Variants in ATXN7 observed in about 807,000 individuals in gnomAD.
ATXN7 encodes the protein ataxin-7.
Under a neutral mutation model 70.5 loss-of-function variants are expected in ATXN7, and 12 were observed. That is an observed-to-expected ratio of 0.17 (90% CI 0.11 to 0.28). ATXN7 has a LOEUF of 0.28. Among genes scored for constraint, ATXN7 ranks in the 10% least tolerant of loss-of-function variants. The probability of loss-of-function intolerance (pLI) is 1.00; values close to 1 mark genes in which losing one functional copy is unlikely to be tolerated. For synonymous variants in ATXN7, 498 were observed against 448.7 expected (o/e 1.11, Z -1.39); for missense variants, 1,256 against 1,131.7 (o/e 1.11, Z -1.58).
chr3:63,988,567 G>A, intron 9 of ATXN7: 1 of 494,936 alleles, frequency 2.0e-6, no homozygotes, highest in South Asian at 2.4e-5. Context: ...CTCTATACTT[G>A]CTGAACATCA....
At chr3:63,954,413 C>A (rs1431316467) in intron 5 of ATXN7, among the ~76,000 whole-genome samples, 1 of 152,194 alleles carries the variant, frequency 6.6e-6, no homozygotes, top group African/African-American at 2.4e-5. Context: ...GATGTACCCA[C>A]CTGTGGATGA....
chr3:63,883,039 G>A (rs1702964507), intron 1 of ATXN7, among the ~76,000 whole-genome samples: 1 of 152,164 alleles, frequency 6.6e-6, no homozygotes, highest in Admixed American at 6.5e-5. Flanking sequence ...GACAGCTATA[G>A]ACATGGACAC....
intron 4 of ATXN7, among the ~76,000 whole-genome samples, chr3:63,940,985 G>A (rs7615475): frequency 0.35 from 53,309 of 151,940 alleles, 9,774 homozygotes; most frequent in East Asian, 0.54. Context: ...CAAACCTGTC[G>A]TGTGTACTGC....
At chr3:63,890,946 G>C (rs1280834017) in intron 1 of ATXN7, among the ~76,000 whole-genome samples, 1 of 152,090 alleles carries the variant, frequency 6.6e-6, no homozygotes, top group Non-Finnish European at 1.5e-5. Flanking sequence ...AGAGAGGTTT[G>C]TATGGGCCTA....
intron 1 of ATXN7, among the ~76,000 whole-genome samples, chr3:63,874,548 A>C (rs1230844114): frequency 2.6e-5 from 4 of 152,222 alleles, no homozygotes; most frequent in Non-Finnish European, 4.4e-5. Context: ...AAGTCAGGGA[A>C]GAGGAGATAT....
intron 1 of ATXN7, among the ~76,000 whole-genome samples, chr3:63,884,079 C>A (rs1275378918): frequency 6.6e-6 from 1 of 152,104 alleles, no homozygotes; most frequent in Non-Finnish European, 1.5e-5. Flanking sequence ...CATTAAGACC[C>A]AGTGTCCAGA....
chr3:63,887,873 T>G (rs1703135656), intron 1 of ATXN7, among the ~76,000 whole-genome samples: 1 of 150,618 alleles, frequency 6.6e-6, no homozygotes, highest in African/African-American at 2.4e-5. Flanking sequence ...GTCCTCAGCC[T>G]CTGTCTTCTT....
chr3:63,920,936 A>C (rs1704487981), intron 4 of ATXN7, among the ~76,000 whole-genome samples: 1 of 152,208 alleles, frequency 6.6e-6, no homozygotes, highest in Non-Finnish European at 1.5e-5. Context: ...CCCTCTGATT[A>C]TTAAAGTATT....
intron 1 of ATXN7, among the ~76,000 whole-genome samples, chr3:63,893,388 T>G (rs571262252): frequency 1.3e-5 from 2 of 152,250 alleles, no homozygotes; most frequent in East Asian, 3.9e-4. Context: ...CTTTCTTTGC[T>G]AAAAGAAGAG....
Position 64,002,972 on chromosome 3 carries a change from A to C in ATXN7, c.*3505A>C, listed in dbSNP as rs1012906909. The C allele has an allele frequency of 2.6e-5, 4 of 152,176 alleles. No homozygotes were observed. Among genetic ancestry groups the C allele is most frequent in the African/African-American group, 9.7e-5 (4 of 41,444 alleles). The allele number at this position is 152,176 out of a possible 1,614,324, so 9.4% of individuals were successfully genotyped here. A position where few individuals can be genotyped will look rare whatever the true frequency, so the allele number is the denominator to read the frequency against. Reference sequence around the variant, plus strand: ...AAAAATGTATAATTTGAAAAATGTAACTTATAAGGGCAGCTGTCTTCCTGC... The same window carrying C: ...AAAAATGTATAATTTGAAAAATGTACCTTATAAGGGCAGCTGTCTTCCTGC... On this transcript the variant is annotated 3_prime_UTR_variant, in exon 13 of 13. Coordinates refer to ENST00000674280, the MANE Select transcript of ATXN7 (RefSeq NM_001377405.1).
At chr3:63,981,038 G>A (rs900710274) in intron 6 of ATXN7, among the ~76,000 whole-genome samples, 1 of 152,226 alleles carries the variant, frequency 6.6e-6, no homozygotes, top group Non-Finnish European at 1.5e-5. Flanking sequence ...TCAGCCTGGT[G>A]ACGGATGGCT....
intron 4 of ATXN7, among the ~76,000 whole-genome samples, chr3:63,943,357 T>G (rs997945078): frequency 6.6e-6 from 1 of 152,278 alleles, no homozygotes; most frequent in African/African-American, 2.4e-5. Context: ...GTAGAACCAC[T>G]GAGGAGATTA....
intron 1 of ATXN7, chr3:63,878,487 C>G (rs1031217066): frequency 2.0e-5 from 3 of 152,170 alleles, no homozygotes; most frequent in African/African-American, 7.2e-5. Flanking sequence ...AATTAATTTG[C>G]AAGATGAATA....
chr3:63,996,541 T>C (rs754777754), intron 12 of ATXN7, 58 bp downstream of exon 12: 4 of 1,558,650 alleles, frequency 2.6e-6, no homozygotes, highest in Non-Finnish European at 3.5e-6. Context: ...TTAAGATCTT[T>C]TGTCAGCTCA....
chr3:63,976,367 A>G (rs2106740673), intron 5 of ATXN7, among the ~76,000 whole-genome samples: 1 of 152,312 alleles, frequency 6.6e-6, no homozygotes, highest in East Asian at 1.9e-4. Context: ...GCATGACAAG[A>G]ATTTGAGCTG....
At chr3:63,914,564 G>GT (rs750485814) in intron 4 of ATXN7, among the ~76,000 whole-genome samples, 4 of 152,140 alleles carry the variant, frequency 2.6e-5, no homozygotes, top group African/African-American at 4.8e-5. Context: ...AAATCACTAG[G>GT]TGGCAACTCT....
chr3:63,961,705 T>A (rs533669811), intron 5 of ATXN7, among the ~76,000 whole-genome samples: 1 of 152,012 alleles, frequency 6.6e-6, no homozygotes, highest in South Asian at 2.1e-4. Flanking sequence ...AGTTGGAAAT[T>A]TTTTTTAAAA....
At chr3:63,879,037 G>T (rs1182473998) in intron 1 of ATXN7, among the ~76,000 whole-genome samples, 4 of 152,202 alleles carry the variant, frequency 2.6e-5, no homozygotes, top group East Asian at 1.9e-4. Flanking sequence ...TGGTCTGGGG[G>T]TGGAAAGTGG....
intron 10 of ATXN7, 171 bp from the exon 11 acceptor site, chr3:63,990,567 C>G (rs867049524): frequency 8.1e-7 from 1 of 1,242,116 alleles, no homozygotes; most frequent in Non-Finnish European, 1.1e-6. Flanking sequence ...TTTTCCCTTT[C>G]TCTTCCATGA....
Sources: allele counts gnomAD v4.1 joint callset (sites outside exome capture counted in the v4.1 genomes callset), GRCh38; gene constraint gnomAD v4.1.1; transcripts MANE v1.5; gene names NCBI Gene and HGNC (gene_info 2026-07-23, HGNC 2026-07-21).